MAU2: variants seen among roughly 807,000 people sequenced by gnomAD.
The protein encoded by MAU2 is MAU2 sister chromatid cohesion factor.
A neutral mutation model predicts 89.1 loss-of-function variants in MAU2; 9 were observed. The observed-to-expected ratio is 0.10, with a 90% CI of 0.06 to 0.18. The LOEUF (loss-of-function observed/expected upper bound fraction) is 0.18. Ranked by LOEUF, MAU2 falls within the 10% of genes least tolerant of loss-of-function variation. The probability of loss-of-function intolerance (pLI) is 1.00; values close to 1 mark genes in which losing one functional copy is unlikely to be tolerated. For missense variants in MAU2, 425 were observed against 803.5 expected (o/e 0.53, Z 5.69); for synonymous variants, 357 against 343.4 (o/e 1.04, Z -0.44).
intron 14 of MAU2, 54 bp from the exon 15 acceptor site, chr19:19,349,101 G>A: frequency 6.2e-7 from 1 of 1,607,110 alleles, no homozygotes; most frequent in Non-Finnish European, 8.5e-7. Flanking sequence ...CTGCCGTTTT[G>A]TAAACCTGCT....
chr19:19,335,406 T>A (rs754471417), intron 1 of MAU2, among the ~76,000 whole-genome samples: 5 of 152,142 alleles, frequency 3.3e-5, no homozygotes, highest in Non-Finnish European at 5.9e-5. Flanking sequence ...ACCTCTGAGC[T>A]CTGTTCCTTT....
At chr19:19,337,916 C>T (rs922496489) in intron 4 of MAU2, among the ~76,000 whole-genome samples, 19 of 152,224 alleles carry the variant, frequency 1.2e-4, no homozygotes, top group Non-Finnish European at 2.1e-4. Flanking sequence ...GTGGAGGGGC[C>T]GGCAGGCTCC....
intron 16 of MAU2, 43 bp downstream of exon 16, chr19:19,349,479 G>T (rs748342757): frequency 1.1e-5 from 17 of 1,563,094 alleles, no homozygotes; most frequent in Non-Finnish European, 1.3e-5. Flanking sequence ...TGCCTGTGGG[G>T]CTTGGCTGAG....
rs185936163 is a variant in MAU2 at position 19,350,627 on chromosome 19, A to G, written c.1548+1191A>G. 3.4e-3 allele frequency among the ~76,000 whole-genome samples: 506 copies of G among 150,634 alleles called. 3 individuals are homozygous for G. In the Middle Eastern group the frequency reaches 0.034, roughly 10 times the overall value. ...CATCTCAAAAAAAAAAAGGCCGGGC[A>G]TGGTGGCTCACGCCTGTAATCCCAG... On this transcript the variant is annotated intron_variant, in intron 16 of 18. Coordinates refer to ENST00000262815, the MANE Select transcript of MAU2 (RefSeq NM_015329.4).
chr19:19,354,547 TCCGTGGGCCGCAGC>T (rs889141771), intron 17 of MAU2, 102 bp downstream of exon 17: 1 of 1,025,142 alleles, frequency 9.8e-7, no homozygotes, highest in African/African-American at 1.6e-5. Context: ...GGACTAGGCC[TCCGTGGGCCGCAGC>T]CCCAGTTCTA....
At chr19:19,353,664 G>A (rs1270024680) in intron 16 of MAU2, 1 of 152,522 alleles carries the variant, frequency 6.6e-6, no homozygotes, top group Admixed American at 6.5e-5. Context: ...ACAGGGCTTT[G>A]AGTCCTCGGT....
Position 19,357,405 on chromosome 19 carries a change from C to A in MAU2, c.*1623C>A, listed in dbSNP as rs1406050518. 3.9e-5 allele frequency: 6 copies of A among 152,540 alleles called. No homozygotes were observed. The highest frequency in any genetic ancestry group is 6.5e-5 in the Admixed American group (1 of 15,268). 9.4% of individuals were successfully genotyped at this position (152,540 alleles called of 1,614,324 possible). ...GTCCCTGTCCTGTCTTCCTCCCGAG[C>A]CATGGCCTCTGCTAGCTCCACCTTG... On this transcript the variant is annotated 3_prime_UTR_variant, in exon 19 of 19. Coordinates refer to ENST00000262815, the MANE Select transcript of MAU2 (RefSeq NM_015329.4).
chr19:19,342,415 T>G (rs867891921), intron 7 of MAU2, 120 bp from the exon 8 acceptor site: 3 of 1,255,346 alleles, frequency 2.4e-6, no homozygotes, highest in Middle Eastern at 5.4e-4. Context: ...TTGCAGGAGG[T>G]GGCCCTGGCA....
intron 3 of MAU2, 152 bp downstream of exon 3, chr19:19,336,339 C>T (rs1026754949): frequency 2.5e-4 from 155 of 611,344 alleles, no homozygotes; most frequent in Non-Finnish European, 3.4e-4. Context: ...CTCACTCTGT[C>T]GCCCAGGCTG....
chr19:19,343,905 C>G lies in MAU2; in HGVS notation c.1042C>G (p.Leu348Val), dbSNP rs770442704. 1 of 1,613,262 alleles carries G rather than the reference C, an allele frequency of 6.2e-7. No homozygotes were observed. Among genetic ancestry groups the G allele is most frequent in the Non-Finnish European group, 8.5e-7 (1 of 1,180,026 alleles). The change falls in exon 10 of 19, where the codon CTT becomes GTT. Residue 348 changes from leucine to valine, a missense_variant. Leu to Val is a conservative substitution (Grantham distance 32). Coordinates refer to ENST00000262815, the MANE Select transcript of MAU2 (RefSeq NM_015329.4). ...GCTGGAGCACATCATCATGTGCCGCCTTGTCACGGGTCACAAGGCCACGGC... is the reference window on the plus strand; with the variant it reads ...GCTGGAGCACATCATCATGTGCCGCGTTGTCACGGGTCACAAGGCCACGGC... Reference protein sequence around the residue: ...ILLEHIIMCRLVTGHKATALQ... With the variant: ...ILLEHIIMCRVVTGHKATALQ...
chr19:19,347,123 GTTA>G, intron 12 of MAU2, 154 bp from the exon 13 acceptor site: 1 of 609,332 alleles, frequency 1.6e-6, no homozygotes, highest in South Asian at 1.9e-5. Context: ...TAATAGCTGT[GTTA>G]TCCTTGAGCT....
At chr19:19,339,572 A>G (rs1427519791) in intron 5 of MAU2, 1 of 149,992 alleles carries the variant, frequency 6.7e-6, no homozygotes, top group East Asian at 2.0e-4. Flanking sequence ...TTTTTTGTAG[A>G]GATAGGGTCT....
chr19:19,349,269 T>C (rs749561931), intron 15 of MAU2, 37 bp downstream of exon 15: 2 of 1,613,882 alleles, frequency 1.2e-6, no homozygotes, highest in Non-Finnish European at 1.7e-6. Context: ...AGGGCCATGC[T>C]CAGGGTAGCC....
chr19:19,340,326 C>CT (rs1010415404), intron 5 of MAU2, among the ~76,000 whole-genome samples: 4 of 150,874 alleles, frequency 2.7e-5, no homozygotes, highest in Non-Finnish European at 4.4e-5. Context: ...GAGTGAGACT[C>CT]TAAGAAAAAA....
intron 13 of MAU2, 126 bp downstream of exon 13, chr19:19,347,492 G>A (rs1422406462): frequency 1.4e-6 from 1 of 704,602 alleles, no homozygotes. Context: ...TGAGGGATGG[G>A]CGGCACCCGA....
At chr19:19,321,203 G>A in intron 1 of MAU2, 68 bp downstream of exon 1, 1 of 1,421,782 alleles carries the variant, frequency 7.0e-7, no homozygotes, top group African/African-American at 1.5e-5. Context: ...GACGGGTCGC[G>A]ACCGCGGCGG....
In MAU2 at chr19:19,355,275, G is replaced by T. The variant is rs745900935; in HGVS notation, c.1651G>T (p.Ala551Ser). 1 of 1,614,012 alleles carries T rather than the reference G, an allele frequency of 6.2e-7. No individual in the cohort carries two copies. The highest frequency in any genetic ancestry group is 2.2e-5 in the East Asian group (1 of 44,884). Residue 551 changes from alanine (A) to serine (S), a missense_variant, in exon 18 of 19, where the codon GCC becomes TCC. Ala to Ser is a moderately conservative substitution (Grantham distance 99). This residue lies in a region of MAU2 where 33 missense variants were observed against 94.1 expected (regional missense o/e 0.35). Transcript: ENST00000262815. ...TGTCCCACTCTCAGACCTGAATAAAGCCTGTGGGAACGCCATGGATGCCCA... is the reference window on the plus strand; with the variant it reads ...TGTCCCACTCTCAGACCTGAATAAATCCTGTGGGAACGCCATGGATGCCCA... Reference protein sequence around the residue: ...SSALLRDLNKACGNAMDAHEA... With the variant: ...SSALLRDLNKSCGNAMDAHEA...
chr19:19,338,786 C>T (rs928325879), intron 4 of MAU2, 59 bp from the exon 5 acceptor site: 2 of 1,289,918 alleles, frequency 1.6e-6, no homozygotes, highest in Non-Finnish European at 2.2e-6. Context: ...AGCACGAAGG[C>T]AGGTACCGTA....
At chr19:19,325,701 A>C (rs896838092) in intron 1 of MAU2, among the ~76,000 whole-genome samples, 1 of 151,488 alleles carries the variant, frequency 6.6e-6, no homozygotes, top group Non-Finnish European at 1.5e-5. Flanking sequence ...CTGGTCTCGA[A>C]CTCCTGACCT....
Sources: gnomAD v4.1 joint callset for allele counts (sites outside exome capture counted in the v4.1 genomes callset) on GRCh38, gnomAD v4.1.1 for gene constraint, gnomAD v4.1.1 regional missense constraint, MANE v1.5 for transcripts, NCBI Gene and HGNC (gene_info 2026-07-23, HGNC 2026-07-21) for gene names.